The following NCKAP1 variants were observed in gnomAD, a reference collection of about 807,000 sequenced individuals.
NCKAP1 encodes NCK associated protein 1, also known as nck-associated protein 1.
NCKAP1 carries 21 observed loss-of-function variants against 151.2 expected under a neutral mutation model. The ratio of observed to expected loss-of-function variants is 0.14; its 90% confidence interval spans 0.10 to 0.20. NCKAP1 has a LOEUF of 0.20. Ranked by LOEUF, NCKAP1 falls within the 10% of genes least tolerant of loss-of-function variation. The pLI is 1.00. For missense variants in NCKAP1, 933 were observed against 1,352.1 expected (o/e 0.69, Z 4.86); for synonymous variants, 484 against 451.8 (o/e 1.07, Z -0.90).
At position 182,919,502 on chromosome 2, in the gene NCKAP1, C is replaced by T. The variant is rs1023117783; in HGVS notation, c.*6200G>A. On this transcript the variant is annotated 3_prime_UTR_variant, in exon 31 of 31. Coordinates refer to ENST00000361354, the MANE Select transcript of NCKAP1 (RefSeq NM_013436.5). ...GGTCATACCTAATTAGTATGACATT[C>T]TGATTATTAACTGGATATTTCCTCT... The T allele has an allele frequency of 3.3e-5, 5 of 152,128 alleles. No homozygotes were observed. Among genetic ancestry groups the T allele is most frequent in the Non-Finnish European group, 4.4e-5 (3 of 68,026 alleles). 9.4% of individuals were successfully genotyped at this position (152,128 alleles called of 1,614,324 possible).
intron 28 of NCKAP1, 63 bp from the exon 29 acceptor site, chr2:182,928,289 T>C: frequency 8.7e-7 from 1 of 1,149,486 alleles, no homozygotes; most frequent in Non-Finnish European, 1.3e-6. Context: ...AGAAGGCAAA[T>C]CTTTAATGAC....
chr2:182,915,981 T>C lies in NCKAP1; in HGVS notation c.*9721A>G, dbSNP rs1329521214. 1.3e-5 allele frequency: 2 copies of C among 152,064 alleles called. No homozygotes were observed. The highest frequency in any genetic ancestry group is 3.9e-4 in the East Asian group (2 of 5,178). 9.4% of individuals were successfully genotyped at this position (152,064 alleles called of 1,614,324 possible). A position where few individuals can be genotyped will look rare whatever the true frequency, so the allele number is the denominator to read the frequency against. On this transcript the variant is annotated 3_prime_UTR_variant, in exon 31 of 31. Transcript: ENST00000361354. The stretch of plus-strand genomic sequence containing the variant: ...ATACAAGGGGCTCAGATTCTGCATC[T>C]TCTCCCCCTGACATCCCAGACAAGT...
At chr2:182,947,103 A>C (rs933146829) in intron 23 of NCKAP1, 2 of 152,310 alleles carry the variant, frequency 1.3e-5, no homozygotes, top group Non-Finnish European at 2.9e-5. Flanking sequence ...ATTTGCAGGA[A>C]TCATCTGAAG....
chr2:183,035,055 A>G (rs1699076497), intron 1 of NCKAP1, among the ~76,000 whole-genome samples: 1 of 152,140 alleles, frequency 6.6e-6, no homozygotes, highest in African/African-American at 2.4e-5. Flanking sequence ...AAATCTCTAC[A>G]TGAGTGAGTC....
chr2:182,944,654 T>C (rs1385176348), intron 23 of NCKAP1, among the ~76,000 whole-genome samples: 3 of 152,208 alleles, frequency 2.0e-5, no homozygotes, highest in South Asian at 2.1e-4. Context: ...ACTTCTTTAA[T>C]TAGCACACAA....
Position 182,986,260 on chromosome 2 carries a change from A to G in NCKAP1, c.948-33T>C, listed in dbSNP as rs561494970. On this transcript the variant is annotated intron_variant, in intron 9 of 30. Coordinates refer to ENST00000361354, the MANE Select transcript of NCKAP1 (RefSeq NM_013436.5). ...CAAAAACAAATTAGAACGTTAGTTTAATTTGATCAATAACTGTCAAAATGA... is the reference window on the plus strand; with the variant it reads ...CAAAAACAAATTAGAACGTTAGTTTGATTTGATCAATAACTGTCAAAATGA... 20 of 1,524,366 alleles carry G rather than the reference A, an allele frequency of 1.3e-5. No homozygotes were observed. The South Asian group carries it at 1.4e-4, about 10-fold the overall frequency. The allele number at this position is 1,524,366 out of a possible 1,614,324, so 94.4% of individuals were successfully genotyped here.
At position 182,978,823 on chromosome 2, in the gene NCKAP1, A is replaced by C. The variant is rs567999280; in HGVS notation, c.1423+11T>G. On this transcript the variant is annotated intron_variant, in intron 14 of 30. Transcript: ENST00000361354. ...AGAAGAAAATATGCTTTTATTTAAA[A>C]GGCTTATTACCTTGTTTTACACTTA... 1 of 1,454,830 alleles carries C rather than the reference A, an allele frequency of 6.9e-7. No individual in the cohort carries two copies. Among genetic ancestry groups the C allele is most frequent in the South Asian group, 1.4e-5 (1 of 71,708 alleles). The allele number at this position is 1,454,830 out of a possible 1,614,324, so 90.1% of individuals were successfully genotyped here.
intron 2 of NCKAP1, among the ~76,000 whole-genome samples, chr2:183,020,506 G>T (rs1698778112): frequency 2.0e-5 from 3 of 149,118 alleles, no homozygotes; most frequent in African/African-American, 5.0e-5. Flanking sequence ...AAAATTTATT[G>T]CATTTTCACC....
chr2:182,931,367 T>C (rs1421048442), intron 26 of NCKAP1, among the ~76,000 whole-genome samples: 1 of 152,142 alleles, frequency 6.6e-6, no homozygotes, highest in African/African-American at 2.4e-5. Flanking sequence ...GAAAGCTATC[T>C]ATATAACTGG....
At chr2:182,958,394 T>A (rs1697368239) in intron 18 of NCKAP1, among the ~76,000 whole-genome samples, 1 of 152,174 alleles carries the variant, frequency 6.6e-6, no homozygotes, top group Non-Finnish European at 1.5e-5. Flanking sequence ...TCCACCTGCC[T>A]CGGCCTCCCA....
chr2:182,981,394 G>GA lies in NCKAP1; in HGVS notation c.1209-19dup. ...CAATGTGCCTTTTTTAAAATTTCAA[G>GA]AAAAATATTCAAATAATAAATTCAT... On this transcript the variant is annotated intron_variant, in intron 12 of 30. Transcript: ENST00000361354. 1 of 1,548,664 alleles carries GA rather than the reference G, an allele frequency of 6.5e-7. No individual in the cohort carries two copies. The highest frequency in any genetic ancestry group is 1.1e-5 in the South Asian group (1 of 87,634).
At position 182,925,619 on chromosome 2, in the gene NCKAP1, G is replaced by T; in HGVS notation, c.*83C>A. 3.0e-6 allele frequency: 2 copies of T among 663,086 alleles called. No homozygotes were observed. The highest frequency in any genetic ancestry group is 4.9e-6 in the Non-Finnish European group (2 of 409,934). The allele number at this position is 663,086 out of a possible 1,614,324, so 41.1% of individuals were successfully genotyped here. On this transcript the variant is annotated 3_prime_UTR_variant, in exon 31 of 31. Transcript: ENST00000361354. The stretch of plus-strand genomic sequence containing the variant: ...TTTATAATCCACAAAACTTTTTCAG[G>T]TCTTAAGGTAAAATAGTTCCACAGT...
intron 10 of NCKAP1, 61 bp from the exon 11 acceptor site, chr2:182,983,443 A>C: frequency 8.0e-7 from 1 of 1,248,930 alleles, no homozygotes; most frequent in Non-Finnish European, 1.2e-6. Flanking sequence ...TTGGCAATTA[A>C]AGTAACTAGC....
Position 182,937,879 on chromosome 2 carries a change from G to A in NCKAP1, c.2696-2504C>T, listed in dbSNP as rs1374304032. 3.3e-5 allele frequency among the ~76,000 whole-genome samples: 5 copies of A among 152,000 alleles called. No individual in the cohort carries two copies. The East Asian group carries it at 7.7e-4, about 23-fold the overall frequency. ...AAATAGTCAATAAAGAAAACATCAG[G>A]TTTTTTCTCCCCACCTACTTATACC... On this transcript the variant is annotated intron_variant, in intron 24 of 30. Transcript: ENST00000361354.
intron 2 of NCKAP1, among the ~76,000 whole-genome samples, chr2:183,013,590 C>T (rs914351156): frequency 2.0e-5 from 3 of 152,158 alleles, no homozygotes; most frequent in African/African-American, 4.8e-5. Context: ...AATTTCCTAA[C>T]TATTCTCCCT....
chr2:182,971,666 T>C (rs28832369), intron 15 of NCKAP1, among the ~76,000 whole-genome samples: 91,233 of 151,862 alleles, frequency 0.6, 30,519 homozygotes, highest in East Asian at 0.86. Context: ...CAAAATCTAC[T>C]ACAAAGCTAT....
chr2:183,010,875 A>G (rs1280941465), intron 2 of NCKAP1, among the ~76,000 whole-genome samples: 4 of 152,232 alleles, frequency 2.6e-5, no homozygotes, highest in African/African-American at 9.6e-5. Context: ...GTTCCTTTAC[A>G]TTCAATTTTA....
chr2:182,919,074 G>C lies in NCKAP1; in HGVS notation c.*6628C>G, dbSNP rs1372655309. 2 of 152,178 alleles carry C rather than the reference G, an allele frequency of 1.3e-5. No individual in the cohort carries two copies. The highest frequency in any genetic ancestry group is 2.9e-5 in the Non-Finnish European group (2 of 68,034). 9.4% of individuals were successfully genotyped at this position (152,178 alleles called of 1,614,324 possible). A position where few individuals can be genotyped will look rare whatever the true frequency, so the allele number is the denominator to read the frequency against. ...TAGGATTACTGTGAAGACTAAAAGA[G>C]CAATATTTAGAGGTTTGAATTAGAG... is the stretch of plus-strand genomic sequence containing the variant. On this transcript the variant is annotated 3_prime_UTR_variant, in exon 31 of 31. Transcript: ENST00000361354.
At chr2:182,979,901 G>A (rs967557326) in intron 13 of NCKAP1, among the ~76,000 whole-genome samples, 51 of 152,088 alleles carry the variant, frequency 3.4e-4, no homozygotes, top group African/African-American at 1.1e-3. Flanking sequence ...CTACAGATTT[G>A]GTAAGATACA....
Sources: allele counts gnomAD v4.1 joint callset (sites outside exome capture counted in the v4.1 genomes callset), GRCh38; gene constraint gnomAD v4.1.1; transcripts MANE v1.5; gene names NCBI Gene and HGNC (gene_info 2026-07-23, HGNC 2026-07-21).